The following CYRIB variants were observed in gnomAD, a reference collection of about 807,000 sequenced individuals.
CYRIB encodes the protein CYFIP related Rac1 interactor B.
CYRIB carries 8 observed loss-of-function variants against 44.2 expected under a neutral mutation model. The observed-to-expected ratio is 0.18, with a 90% confidence interval of 0.11 to 0.33. The LOEUF (loss-of-function observed/expected upper bound fraction) is 0.33. Ranked by LOEUF, CYRIB falls within the 10% of genes least tolerant of loss-of-function variation. The pLI is 1.00. For synonymous variants in CYRIB, 131 were observed against 127.2 expected (o/e 1.03, Z -0.20); for missense variants, 185 against 382.8 (o/e 0.48, Z 4.31).
chr8:129,879,420 C>T, exon 3 of CYRIB: 1 of 1,612,454 alleles, frequency 6.2e-7, no homozygotes. Flanking sequence ...TTGGCCCCTG[C>T]TCAAGGTCTG....
chr8:129,864,736 G>T, intron 4 of CYRIB: 1 of 345,186 alleles, frequency 2.9e-6, no homozygotes, highest in Non-Finnish European at 5.6e-6. Flanking sequence ...ATCTGCTGAA[G>T]TTTGCTCAAA....
At chr8:129,852,096 C>T (rs1001367794) in intron 8 of CYRIB, 66 bp downstream of exon 10, 56 of 959,062 alleles carry the variant, frequency 5.8e-5, no homozygotes, top group Admixed American at 3.6e-4. Flanking sequence ...CTTGGGCTTG[C>T]TGACATCACG....
intron 5 of CYRIB, among the ~76,000 whole-genome samples, chr8:129,860,523 A>G (rs1426453573): frequency 2.0e-5 from 3 of 152,250 alleles, no homozygotes; most frequent in Non-Finnish European, 4.4e-5. Context: ...TCTTATTTCC[A>G]GTAAGAAAAA....
chr8:129,886,014 G>A (rs2062621364), intron 2 of CYRIB, among the ~76,000 whole-genome samples: 1 of 152,046 alleles, frequency 6.6e-6, no homozygotes, highest in Admixed American at 6.5e-5. Context: ...TTTCCTGAAG[G>A]ACAACCTTTC....
chr8:129,962,572 G>T (rs555527662), intron 2 of CYRIB, among the ~76,000 whole-genome samples: 1 of 152,134 alleles, frequency 6.6e-6, no homozygotes, highest in South Asian at 2.1e-4. Context: ...TGCCCTTTAC[G>T]TTTGGAAACA....
Position 130,006,574 on chromosome 8 carries a change from G to A in CYRIB, c.-296+9796C>T, listed in dbSNP as rs1455929162. 1.1e-3 allele frequency among the ~76,000 whole-genome samples: 61 copies of A among 56,826 alleles called. 2 individuals carry two copies. Among genetic ancestry groups the A allele is most frequent in the African/African-American group, 2.6e-3 (56 of 21,212 alleles). The allele number at this position is 56,826 out of a possible 152,430, so 37.3% of individuals were successfully genotyped here. Reference sequence around the variant, plus strand: ...AGCCTGGCCAACATGGTAAAACCCCGTCTCTACTAAAAACACAAATTATAT... The same window carrying A: ...AGCCTGGCCAACATGGTAAAACCCCATCTCTACTAAAAACACAAATTATAT... On this transcript the variant is annotated intron_variant, in intron 1 of 14. Coordinates refer to the CYRIB transcript ENST00000401979.
chr8:129,962,630 C>CTAATTTAACGACT (rs2131802411), intron 2 of CYRIB, among the ~76,000 whole-genome samples: 1 of 136,116 alleles, frequency 7.3e-6, no homozygotes, highest in South Asian at 3.1e-4. Context: ...AATATTTCAG[C>CTAATTTAACGACT]TAATTTAATG....
At chr8:129,961,557 G>A (rs946953129) in intron 2 of CYRIB, among the ~76,000 whole-genome samples, 2 of 152,194 alleles carry the variant, frequency 1.3e-5, no homozygotes, top group Non-Finnish European at 2.9e-5. Flanking sequence ...AACCTTAGAG[G>A]CTGTCATTTA....
At chr8:130,016,049 A>T (rs2097335676) in intron 1 of CYRIB, among the ~76,000 whole-genome samples, 1 of 151,452 alleles carries the variant, frequency 6.6e-6, no homozygotes, top group South Asian at 2.1e-4. Flanking sequence ...CGAGGCGCAC[A>T]AGGCGCCGGC....
At chr8:129,956,535 G>GCACACACACA (rs146683281) in intron 2 of CYRIB, among the ~76,000 whole-genome samples, 1 of 149,408 alleles carries the variant, frequency 6.7e-6, no homozygotes, top group African/African-American at 2.5e-5. Context: ...CTTTGTGTTT[G>GCACACACACA]CACACACACA....
At chr8:129,988,461 T>A (rs1173657208) in intron 1 of CYRIB, among the ~76,000 whole-genome samples, 1 of 152,128 alleles carries the variant, frequency 6.6e-6, no homozygotes, top group Non-Finnish European at 1.5e-5. Context: ...CCTTCCCACC[T>A]CCAGGCATTT....
chr8:129,986,194 G>GA (rs1356704038), intron 1 of CYRIB, among the ~76,000 whole-genome samples: 1 of 152,220 alleles, frequency 6.6e-6, no homozygotes, highest in Non-Finnish European at 1.5e-5. Context: ...GGATTCAGAA[G>GA]AGGGACAAGG....
chr8:130,006,674 G>GTA (rs1239084994), intron 1 of CYRIB, among the ~76,000 whole-genome samples: 18 of 33,120 alleles, frequency 5.4e-4, no homozygotes, highest in African/African-American at 2.2e-3. Flanking sequence ...ATATATATAT[G>GTA]TATATATATA....
intron 1 of CYRIB, among the ~76,000 whole-genome samples, chr8:130,011,659 T>C (rs1341839814): frequency 7.0e-6 from 1 of 141,940 alleles, no homozygotes; most frequent in African/African-American, 2.8e-5. Context: ...CTACTAAAAA[T>C]ACAAAAAAAA....
intron 2 of CYRIB, among the ~76,000 whole-genome samples, chr8:129,970,029 C>CTA (rs2095629441): frequency 6.6e-6 from 1 of 152,158 alleles, no homozygotes; most frequent in Non-Finnish European, 1.5e-5. Flanking sequence ...TGGGGCAACA[C>CTA]TAAGTGCAAA....
chr8:129,862,935 T>C (rs1021972641), intron 4 of CYRIB, among the ~76,000 whole-genome samples: 2 of 152,156 alleles, frequency 1.3e-5, no homozygotes, highest in African/African-American at 4.8e-5. Flanking sequence ...GCAATAGATA[T>C]GAACATAATG....
chr8:129,984,147 T>A (rs2096364414), intron 1 of CYRIB, among the ~76,000 whole-genome samples: 1 of 152,148 alleles, frequency 6.6e-6, no homozygotes, highest in African/African-American at 2.4e-5. Flanking sequence ...GAAGCACTAT[T>A]TAGGGCTGTG....
intron 1 of CYRIB, among the ~76,000 whole-genome samples, chr8:129,935,899 G>C (rs1456586523): frequency 6.6e-6 from 1 of 152,202 alleles, no homozygotes; most frequent in Non-Finnish European, 1.5e-5. Flanking sequence ...GTGAAGGTGT[G>C]TTGCAAGAAA....
At chr8:129,954,721 AGG>A (rs1360239158) in intron 2 of CYRIB, among the ~76,000 whole-genome samples, 1 of 152,206 alleles carries the variant, frequency 6.6e-6, no homozygotes, top group Admixed American at 6.5e-5. Context: ...CTCTGGACCC[AGG>A]GGGAAGATTA....
Sources: gnomAD v4.1 joint callset for allele counts (sites outside exome capture counted in the v4.1 genomes callset) on GRCh38, gnomAD v4.1.1 for gene constraint, MANE v1.5 for transcripts, NCBI Gene and HGNC (gene_info 2026-07-23, HGNC 2026-07-21) for gene names.